IL13RA1: variants seen among roughly 807,000 people sequenced by gnomAD.
IL13RA1 encodes interleukin-13 receptor subunit alpha-1.
Under a neutral mutation model 33.8 loss-of-function variants are expected in IL13RA1, and 14 were observed. That is an observed-to-expected ratio of 0.41 (90% CI 0.27 to 0.65). The LOEUF (loss-of-function observed/expected upper bound fraction) is 0.65, where lower values mean the gene tolerates loss of function less well. IL13RA1 is among the 30% of genes least tolerant of loss of function. The pLI is 0.28. For missense variants in IL13RA1, 313 were observed against 327.0 expected, an observed-to-expected ratio of 0.96 and a Z score of 0.33; for synonymous variants, 116 against 115.7, an observed-to-expected ratio of 1.00 and a Z score of -0.02.
chrX:118,800,976 A>T, the IL13RA1 span, among the ~76,000 whole-genome samples: 1 of 110,832 alleles, frequency 9.0e-6, no homozygotes, highest in Admixed American at 9.6e-5. Flanking sequence ...TTTTGTAGAG[A>T]TGGGGGTCTC....
At chrX:118,796,297 G>A (rs899232278), downstream of IL13RA1, among the ~76,000 whole-genome samples, 3 of 111,842 alleles carry the variant, frequency 2.7e-5, no homozygotes, top group Admixed American at 9.5e-5. Context: ...GACATAGAGC[G>A]ATTGAGCTGT....
chrX:118,758,356 AG>A (rs2017556646), intron 5 of IL13RA1, 114 bp downstream of exon 5: 1 of 397,775 alleles, frequency 2.5e-6, no homozygotes, highest in Admixed American at 3.8e-5. Flanking sequence ...TTCTGAAAGA[AG>A]GGACTATATT....
At chrX:118,744,872 A>G (rs982659392) in intron 2 of IL13RA1, among the ~76,000 whole-genome samples, 1 of 112,361 alleles carries the variant, frequency 8.9e-6, no homozygotes, top group African/African-American at 3.2e-5. Flanking sequence ...CTAATTTGAC[A>G]TTTGACTGTA....
Position 118,766,522 on chromosome X carries a change from T to C in IL13RA1, c.829-8T>C, listed in dbSNP as rs766533970. On this transcript the variant is annotated splice_polypyrimidine_tract_variant and splice_region_variant and intron_variant, in intron 6 of 10. Coordinates refer to ENST00000371666, the MANE Select transcript of IL13RA1 (RefSeq NM_001560.3). Reference sequence around the variant, plus strand: ...TCATTAGTTTATTTATTTATTTTTATTTTCAAGGTCCAAGAGGCTAAATGT... The same window carrying C: ...TCATTAGTTTATTTATTTATTTTTACTTTCAAGGTCCAAGAGGCTAAATGT... 6.3e-6 allele frequency: 6 copies of C among 952,971 alleles called. No individual in the cohort carries two copies. Among genetic ancestry groups the C allele is most frequent in the Non-Finnish European group, 7.5e-6 (5 of 664,879 alleles). The allele number at this position is 952,971 out of a possible 1,213,427, so 78.5% of individuals were successfully genotyped here.
At chrX:118,747,183 C>A in intron 3 of IL13RA1, 91 bp downstream of exon 3, 2 of 566,015 alleles carry the variant, frequency 3.5e-6, no homozygotes, top group Non-Finnish European at 2.9e-6. Flanking sequence ...TAATTCAATT[C>A]TCAAACATTT....
In IL13RA1 at chrX:118,758,100, A is replaced by G; in HGVS notation, c.534A>G (p.Arg178=). The change falls in exon 5 of 11, where the codon AGA becomes AGG. Residue 178 remains arginine, a synonymous_variant. Transcript: ENST00000371666. ...TTCATCAATGTGAAAACATCTTTAG[A>G]GAAGGCCAATACTTTGGTTGTTCCT... The part of the protein sequence containing the change: ...EKIHQCENIF[R]EGQYFGCSFD... The G allele has an allele frequency of 8.5e-7, 1 of 1,172,882 alleles. No homozygotes were observed. The highest frequency in any genetic ancestry group is 1.9e-5 in the South Asian group (1 of 53,906).
intron 4 of IL13RA1, among the ~76,000 whole-genome samples, chrX:118,750,462 T>A (rs1193064073): frequency 9.0e-6 from 1 of 111,604 alleles, no homozygotes; most frequent in African/African-American, 3.3e-5. Flanking sequence ...CACTCCTTTT[T>A]ATAGCTCAGT....
At chrX:118,764,869 C>CT (rs2017629539) in intron 6 of IL13RA1, among the ~76,000 whole-genome samples, 1 of 111,662 alleles carries the variant, frequency 9.0e-6, no homozygotes, top group South Asian at 3.7e-4. Context: ...CTCCCTGTCT[C>CT]TTTTTAAAAA....
At chrX:118,741,177 T>A (rs761748561) in intron 2 of IL13RA1, 21 bp downstream of exon 2, 2 of 1,045,431 alleles carry the variant, frequency 1.9e-6, no homozygotes, top group East Asian at 3.0e-5. Flanking sequence ...TGCAACATGT[T>A]ACATTGATGA....
chrX:118,770,482 G>T, intron 8 of IL13RA1: 1 of 471,994 alleles, frequency 2.1e-6, no homozygotes, highest in South Asian at 2.4e-5. Flanking sequence ...GCTGGTCTAC[G>T]ACAAGCTCAG....
intron 2 of IL13RA1, among the ~76,000 whole-genome samples, chrX:118,746,259 A>G (rs2017403435): frequency 2.7e-5 from 3 of 110,780 alleles, no homozygotes; most frequent in Admixed American, 1.9e-4. Flanking sequence ...AGCTGGGACT[A>G]TAGGCATGAG....
Position 118,757,678 on chromosome X carries a change from CTTTTTTTTT to C in IL13RA1, c.489-355_489-347del, listed in dbSNP as rs765835021. 1.7e-3 allele frequency among the ~76,000 whole-genome samples: 97 copies of C among 58,340 alleles called. 1 individual carries two copies. The highest frequency in any genetic ancestry group is 6.4e-3 in the African/African-American group (87 of 13,597). The allele number at this position is 58,340 out of a possible 115,157, so 50.7% of individuals were successfully genotyped here. On this transcript the variant is annotated intron_variant, in intron 4 of 10. Coordinates refer to ENST00000371666, the MANE Select transcript of IL13RA1 (RefSeq NM_001560.3). ...TCTCAGTCATTAAAAAGAATTCTGCCTTTTTTTTTTTTTTTTTTTTTTTTTTTTTTGTGG... is the reference window on the plus strand; with the variant it reads ...TCTCAGTCATTAAAAAGAATTCTGCCTTTTTTTTTTTTTTTTTTTTTGTGG...
intron 8 of IL13RA1, chrX:118,770,230 A>G (rs1369459700): frequency 3.3e-6 from 1 of 306,494 alleles, no homozygotes; most frequent in Non-Finnish European, 6.4e-6. Context: ...CAATGAGTGC[A>G]CCCACTGCGC....
chrX:118,738,691 A>G (rs1373937915), intron 1 of IL13RA1, among the ~76,000 whole-genome samples: 3 of 109,573 alleles, frequency 2.7e-5, no homozygotes, highest in African/African-American at 6.7e-5. Flanking sequence ...ATACAGGTGC[A>G]TGTGTCTTTA....
At chrX:118,800,355 G>A in the IL13RA1 span, among the ~76,000 whole-genome samples, 1 of 110,644 alleles carries the variant, frequency 9.0e-6, no homozygotes. Flanking sequence ...TTTATGAGCT[G>A]TAACACTCAC....
In IL13RA1 at chrX:118,766,670, A is replaced by G. The variant is rs989118327; in HGVS notation, c.876+93A>G. The G allele has an allele frequency of 8.0e-6, 5 of 624,345 alleles. No individual in the cohort carries two copies. In the Admixed American group the frequency reaches 1.2e-4, roughly 14 times the overall value. The allele number at this position is 624,345 out of a possible 1,213,427, so 51.5% of individuals were successfully genotyped here. On this transcript the variant is annotated intron_variant, in intron 7 of 10. Transcript: ENST00000371666. ...ATATGAGCTGCTTTGAGAAAAACAAATTACGTTGTTCCGTGAGTTATTGAC... is the reference window on the plus strand; with the variant it reads ...ATATGAGCTGCTTTGAGAAAAACAAGTTACGTTGTTCCGTGAGTTATTGAC...
At chrX:118,802,263 C>T in the IL13RA1 span, among the ~76,000 whole-genome samples, 2 of 112,330 alleles carry the variant, frequency 1.8e-5, no homozygotes, top group Non-Finnish European at 3.8e-5. Flanking sequence ...AAAGGTGGCC[C>T]TGCCTGCCCA....
chrX:118,746,578 C>A (rs2017407108), intron 2 of IL13RA1, among the ~76,000 whole-genome samples: 1 of 109,763 alleles, frequency 9.1e-6, no homozygotes, highest in Admixed American at 9.8e-5. Flanking sequence ...ATGTTTATAC[C>A]TTTAAAATGT....
intron 7 of IL13RA1, 130 bp downstream of exon 7, chrX:118,766,707 A>G (rs1211424861): frequency 3.3e-6 from 2 of 601,605 alleles, no homozygotes; most frequent in Non-Finnish European, 2.7e-6. Context: ...ATTTTTTCGA[A>G]AAGTCAAAGA....
Sources: gnomAD v4.1 joint callset for allele counts (sites outside exome capture counted in the v4.1 genomes callset) on GRCh38, gnomAD v4.1.1 for gene constraint, MANE v1.5 for transcripts, NCBI Gene and HGNC (gene_info 2026-07-23, HGNC 2026-07-21) for gene names.